Variants in MAGI3 observed in about 807,000 individuals in gnomAD.
MAGI3 encodes the protein membrane-associated guanylate kinase, WW and PDZ domain-containing protein 3.
A neutral mutation model predicts 121.8 loss-of-function variants in MAGI3; 43 were observed. The ratio of observed to expected loss-of-function variants is 0.35; its 90% confidence interval spans 0.28 to 0.46. The LOEUF (loss-of-function observed/expected upper bound fraction) is 0.46, where lower values mean the gene tolerates loss of function less well. Among genes scored for constraint, MAGI3 ranks in the 20% least tolerant of loss-of-function variants. The pLI is 1.00. For synonymous variants in MAGI3, 553 were observed against 639.3 expected (o/e 0.86, Z 2.04); for missense variants, 1,547 against 1,797.3 (o/e 0.86, Z 2.52).
intron 16 of MAGI3, among the ~76,000 whole-genome samples, chr1:113,667,681 A>G (rs1571023714): frequency 2.0e-5 from 3 of 152,356 alleles, no homozygotes; most frequent in Admixed American, 2.0e-4. Flanking sequence ...TAACTGGTAC[A>G]AGAGGTCTAG....
chr1:113,609,364 G>A (rs1034831441), intron 6 of MAGI3, among the ~76,000 whole-genome samples: 1 of 152,168 alleles, frequency 6.6e-6, no homozygotes, highest in African/African-American at 2.4e-5. Flanking sequence ...TCTAAAACAT[G>A]CCCTTTTCTT....
At chr1:113,523,806 A>G (rs1362631058) in intron 1 of MAGI3, among the ~76,000 whole-genome samples, 1 of 152,236 alleles carries the variant, frequency 6.6e-6, no homozygotes, top group Non-Finnish European at 1.5e-5. Context: ...AGAAATTTGC[A>G]TAAGTAACGA....
intron 1 of MAGI3, among the ~76,000 whole-genome samples, chr1:113,491,997 G>A (rs1305450352): frequency 4.6e-5 from 7 of 152,112 alleles, no homozygotes. Flanking sequence ...TAAGGAGGAG[G>A]AACTCCTCTC....
intron 1 of MAGI3, among the ~76,000 whole-genome samples, chr1:113,531,707 T>C (rs1182810144): frequency 5.6e-5 from 1 of 17,940 alleles, no homozygotes; most frequent in Non-Finnish European, 1.1e-4. Context: ...ATAAGTGGTA[T>C]TGCGGGGGGT....
At chr1:113,394,027 A>G (rs989709187) in intron 1 of MAGI3, among the ~76,000 whole-genome samples, 1 of 152,248 alleles carries the variant, frequency 6.6e-6, no homozygotes, top group Non-Finnish European at 1.5e-5. Flanking sequence ...CCATGGCAGA[A>G]GGATGAGCTG....
At chr1:113,468,215 A>G (rs1422376840) in intron 1 of MAGI3, among the ~76,000 whole-genome samples, 3 of 152,138 alleles carry the variant, frequency 2.0e-5, no homozygotes, top group African/African-American at 7.2e-5. Context: ...ATTTACATTC[A>G]GTGTTATTAT....
rs1435725088 is a variant in MAGI3 at position 113,391,225 on chromosome 1, G to A, written c.192G>A (p.Ala64=). 3 of 1,559,826 alleles carry A rather than the reference G, an allele frequency of 1.9e-6. No homozygotes were observed. The highest frequency in any genetic ancestry group is 2.4e-5 in the East Asian group (1 of 41,456). The change falls in exon 1 of 21, where the codon GCG becomes GCA. Residue 64 remains alanine, a synonymous_variant. Transcript: ENST00000307546. The surrounding 1 kb of genome is among the most constrained non-coding windows in gnomAD (Gnocchi z 4.4). The part of the protein sequence containing the change: ...GGTCCVVSGK[A]PSPGDVLLEV... ...CCTGCTGCGTCGTCTCGGGCAAGGC[G>A]CCCAGCCCAGGCGATGTGCTGCTGG...
At chr1:113,416,053 G>C (rs367592230) in intron 1 of MAGI3, among the ~76,000 whole-genome samples, 13,466 of 126,156 alleles carry the variant, frequency 0.11, 1,639 homozygotes, top group East Asian at 0.6. Flanking sequence ...TGTAATTAAT[G>C]ACACATATTA....
chr1:113,450,343 G>A, intron 1 of MAGI3: 3 of 1,324,380 alleles, frequency 2.3e-6, no homozygotes, highest in Non-Finnish European at 3.3e-6. Flanking sequence ...AGGAGCTATG[G>A]TGGTGGAGGT....
chr1:113,432,725 C>CTATTATAT (rs1218347887), intron 1 of MAGI3, among the ~76,000 whole-genome samples: 1 of 151,480 alleles, frequency 6.6e-6, no homozygotes, highest in Non-Finnish European at 1.5e-5. Context: ...TCAGGAGACA[C>CTATTATAT]TATTAAAAAA....
intron 16 of MAGI3, among the ~76,000 whole-genome samples, chr1:113,669,050 G>A (rs1176457293): frequency 6.6e-6 from 1 of 152,124 alleles, no homozygotes; most frequent in Non-Finnish European, 1.5e-5. Flanking sequence ...TAGTAACGCC[G>A]ATAAATTATC....
At chr1:113,488,027 G>C (rs1015370259) in intron 1 of MAGI3, among the ~76,000 whole-genome samples, 1 of 152,016 alleles carries the variant, frequency 6.6e-6, no homozygotes, top group Non-Finnish European at 1.5e-5. Flanking sequence ...CTCTTGGAAG[G>C]ATCTTCCTTA....
At chr1:113,580,973 T>A (rs1001675779) in intron 3 of MAGI3, 1 of 162,142 alleles carries the variant, frequency 6.2e-6, no homozygotes, top group South Asian at 2.0e-4. Context: ...ATTTGTTGAT[T>A]GCATTTTATT....
intron 1 of MAGI3, among the ~76,000 whole-genome samples, chr1:113,437,866 CTT>C (rs1557757111): frequency 0.098 from 1,441 of 14,774 alleles, 75 homozygotes; most frequent in East Asian, 0.19. Flanking sequence ...TCTTCTTCCT[CTT>C]CTTCTTCTTC....
Position 113,391,866 on chromosome 1 carries a change from A to T in MAGI3, c.316+517A>T, listed in dbSNP as rs1650839467. ...CAGACATCTCAGAGCTGACAGCCTA[A>T]CTCTGTCAGTCCAGGTGGTTCAGGT... On this transcript the variant is annotated intron_variant, in intron 1 of 20. Transcript: ENST00000307546. The surrounding 1 kb of genome is among the most constrained non-coding windows in gnomAD (Gnocchi z 4.4). Among the ~76,000 whole-genome samples the T allele has an allele frequency of 6.6e-6, 1 of 152,158 alleles. No homozygotes were observed. Among genetic ancestry groups the T allele is most frequent in the African/African-American group, 2.4e-5 (1 of 41,416 alleles).
intron 16 of MAGI3, among the ~76,000 whole-genome samples, chr1:113,662,754 C>G (rs1311680017): frequency 6.6e-6 from 1 of 152,050 alleles, no homozygotes; most frequent in East Asian, 1.9e-4. Context: ...TTTTGAGTTA[C>G]GTAAATGTTA....
chr1:113,660,746 C>CT (rs1653742680), intron 16 of MAGI3, among the ~76,000 whole-genome samples: 1 of 149,350 alleles, frequency 6.7e-6, no homozygotes, highest in East Asian at 2.0e-4. Flanking sequence ...TCCTGAGTAG[C>CT]TAGGACTACA....
At chr1:113,436,608 G>A (rs906336726) in intron 1 of MAGI3, among the ~76,000 whole-genome samples, 3 of 152,136 alleles carry the variant, frequency 2.0e-5, no homozygotes, top group South Asian at 4.1e-4. Flanking sequence ...CCATTGAGCT[G>A]GGTAATGTTA....
chr1:113,439,885 G>A (rs1014142257), intron 1 of MAGI3, among the ~76,000 whole-genome samples: 3 of 150,522 alleles, frequency 2.0e-5, no homozygotes, highest in Admixed American at 6.8e-5. Flanking sequence ...GCCAGGACTC[G>A]AACCAAGGCC....
Sources: allele counts gnomAD v4.1 joint callset (sites outside exome capture counted in the v4.1 genomes callset), GRCh38; gene constraint gnomAD v4.1.1; non-coding constraint Gnocchi (gnomAD v3.1); transcripts MANE v1.5; gene names NCBI Gene and HGNC (gene_info 2026-07-23, HGNC 2026-07-21).